The following CATSPERE variants were observed in gnomAD, a reference collection of about 807,000 sequenced individuals.
CATSPERE encodes cation channel sperm-associated auxiliary subunit epsilon.
In CATSPERE, 93 loss-of-function variants were observed where a neutral mutation model predicts 114.1. The ratio of observed to expected loss-of-function variants is 0.81; its 90% CI spans 0.69 to 0.97. The LOEUF is 0.97. CATSPERE is among the 50% of genes least tolerant of loss of function. The pLI, the probability that CATSPERE is intolerant of heterozygous loss-of-function variation, is 0.00. For synonymous variants in CATSPERE, 341 were observed against 384.1 expected (o/e 0.89, Z 1.31); for missense variants, 1,058 against 1,131.6 (o/e 0.93, Z 0.93).
chr1:244,558,210 C>G (rs780279821), intron 9 of CATSPERE, among the ~76,000 whole-genome samples: 2 of 139,638 alleles, frequency 1.4e-5, no homozygotes, highest in Non-Finnish European at 3.0e-5. Flanking sequence ...GGCGCAATCT[C>G]AGCTCACTGC....
chr1:244,604,068 G>C (rs1051198395), intron 17 of CATSPERE, among the ~76,000 whole-genome samples: 1 of 152,222 alleles, frequency 6.6e-6, no homozygotes, highest in African/African-American at 2.4e-5. Flanking sequence ...TCTTTCCAAA[G>C]CTCCTAGAAT....
chr1:244,491,666 G>C (rs182284744), intron 6 of CATSPERE, among the ~76,000 whole-genome samples: 1 of 152,128 alleles, frequency 6.6e-6, no homozygotes, highest in East Asian at 1.9e-4. Flanking sequence ...CTGGTTTTTT[G>C]AAAAGACCAA....
intron 5 of CATSPERE, among the ~76,000 whole-genome samples, chr1:244,481,713 G>C (rs940365159): frequency 2.0e-5 from 3 of 152,112 alleles, no homozygotes; most frequent in African/African-American, 7.2e-5. Context: ...AGGTCATGAG[G>C]GTACAGTCCT....
chr1:244,558,524 A>G (rs1662039405), intron 9 of CATSPERE, among the ~76,000 whole-genome samples: 1 of 151,836 alleles, frequency 6.6e-6, no homozygotes, highest in South Asian at 2.1e-4. Context: ...CATTTTTATT[A>G]TAGTTATTTT....
intron 7 of CATSPERE, among the ~76,000 whole-genome samples, chr1:244,508,229 A>G (rs560448802): frequency 6.6e-6 from 1 of 151,768 alleles, no homozygotes; most frequent in South Asian, 2.1e-4. Context: ...AACTATTGTA[A>G]ATGGAATTGC....
intron 11 of CATSPERE, among the ~76,000 whole-genome samples, chr1:244,580,211 A>ATTTTTTTTT (rs747379847): frequency 3.6e-5 from 4 of 110,846 alleles, no homozygotes; most frequent in African/African-American, 3.2e-5. Flanking sequence ...TAATTTTTGT[A>ATTTTTTTTT]TTTTTTTTTT....
At chr1:244,625,406 TTA>T (rs35736130) in intron 20 of CATSPERE, among the ~76,000 whole-genome samples, 30 of 12,874 alleles carry the variant, frequency 2.3e-3, no homozygotes, top group Non-Finnish European at 3.0e-3. Flanking sequence ...TTATTATTAT[TTA>T]TATATATATA....
At chr1:244,451,311 C>T (rs1483638793), upstream of CATSPERE, among the ~76,000 whole-genome samples, 2 of 152,216 alleles carry the variant, frequency 1.3e-5, no homozygotes, top group Non-Finnish European at 2.9e-5. The surrounding 1 kb of genome is among the most constrained non-coding windows in gnomAD (Gnocchi z 6.6). Context: ...CCACCTCCAC[C>T]CCGGCCTCAG....
chr1:244,574,970 C>A (rs1204852942), intron 11 of CATSPERE, among the ~76,000 whole-genome samples: 1 of 152,158 alleles, frequency 6.6e-6, no homozygotes, highest in East Asian at 1.9e-4. Flanking sequence ...GTCTTACCTT[C>A]TGTGTCTTTC....
chr1:244,550,051 G>A (rs1351247742), intron 8 of CATSPERE, among the ~76,000 whole-genome samples: 2 of 152,134 alleles, frequency 1.3e-5, no homozygotes, highest in African/African-American at 4.8e-5. Context: ...CTTCAGACTT[G>A]GACCAGGACT....
At chr1:244,543,004 C>T (rs964469148) in intron 8 of CATSPERE, among the ~76,000 whole-genome samples, 5 of 152,230 alleles carry the variant, frequency 3.3e-5, no homozygotes, top group East Asian at 1.9e-4. Flanking sequence ...ATCCCTGGTA[C>T]GTTGTTGTTG....
At chr1:244,583,468 C>T (rs776600705) in intron 12 of CATSPERE, among the ~76,000 whole-genome samples, 1 of 152,112 alleles carries the variant, frequency 6.6e-6, no homozygotes, top group African/African-American at 2.4e-5. Flanking sequence ...GAGGGGAAAA[C>T]GGGTAGGAGC....
chr1:244,504,944 T>C lies in CATSPERE; in HGVS notation c.429+5865T>C, dbSNP rs1558388957. Among the ~76,000 whole-genome samples, 1 of 152,208 alleles carries C rather than the reference T, an allele frequency of 6.6e-6. No homozygotes were observed. Among genetic ancestry groups the C allele is most frequent in the South Asian group, 2.1e-4 (1 of 4,830 alleles). ...AAAGGAGTATCTACATAAATATTTT[T>C]GGAATTCTTATTTTATGGCAAACTT... On this transcript the variant is annotated intron_variant, in intron 7 of 21. Transcript: ENST00000366534. The surrounding 1 kb of genome is among the most constrained non-coding windows in gnomAD (Gnocchi z 4.1).
intron 8 of CATSPERE, among the ~76,000 whole-genome samples, chr1:244,547,201 A>T (rs1483109601): frequency 2.0e-5 from 3 of 151,776 alleles, no homozygotes; most frequent in East Asian, 1.9e-4. Context: ...AGTGCTAAAT[A>T]AAAAAAATGC....
At chr1:244,574,460 A>T (rs1165071478) in intron 11 of CATSPERE, among the ~76,000 whole-genome samples, 3 of 152,246 alleles carry the variant, frequency 2.0e-5, no homozygotes, top group Non-Finnish European at 2.9e-5. Context: ...TTATTCTTTA[A>T]CAAGAAGGGA....
rs916939193 is a variant in CATSPERE at position 244,573,280 on chromosome 1, G to A, written c.1950+508G>A. 3.9e-5 allele frequency among the ~76,000 whole-genome samples: 6 copies of A among 151,904 alleles called. No homozygotes were observed. The highest frequency in any genetic ancestry group is 7.3e-5 in the African/African-American group (3 of 41,370). On this transcript the variant is annotated intron_variant, in intron 11 of 21. Coordinates refer to ENST00000366534, the MANE Select transcript of CATSPERE (RefSeq NM_001130957.2). The surrounding 1 kb of genome is among the most constrained non-coding windows in gnomAD (Gnocchi z 4.0). Reference sequence around the variant, plus strand: ...CAAAAAATTAGCCAGGCGTCATGGCGGGTGCCTGTAGTCCCAGCTACTCGG... The same window carrying A: ...CAAAAAATTAGCCAGGCGTCATGGCAGGTGCCTGTAGTCCCAGCTACTCGG...
intron 5 of CATSPERE, among the ~76,000 whole-genome samples, chr1:244,484,670 C>T (rs575640975): frequency 2.8e-4 from 43 of 152,234 alleles, no homozygotes; most frequent in African/African-American, 1.0e-3. Flanking sequence ...TTTGTTTATC[C>T]TTCATATTGG....
intron 10 of CATSPERE, among the ~76,000 whole-genome samples, chr1:244,565,508 T>G (rs1663308040): frequency 6.6e-6 from 1 of 152,222 alleles, no homozygotes; most frequent in Non-Finnish European, 1.5e-5. Flanking sequence ...TTTATCCATT[T>G]CTTCTAGATT....
intron 7 of CATSPERE, among the ~76,000 whole-genome samples, chr1:244,501,244 T>A (rs1222126606): frequency 6.6e-6 from 1 of 152,200 alleles, no homozygotes; most frequent in African/African-American, 2.4e-5. Context: ...AGCATCCATA[T>A]CAAAACCTTC....
Sources: gnomAD v4.1 joint callset for allele counts (sites outside exome capture counted in the v4.1 genomes callset) on GRCh38, gnomAD v4.1.1 for gene constraint, Gnocchi (gnomAD v3.1) non-coding constraint, MANE v1.5 for transcripts, NCBI Gene and HGNC (gene_info 2026-07-23, HGNC 2026-07-21) for gene names.